Variants in ZNF519 observed in about 807,000 individuals in gnomAD.
ZNF519 encodes the protein similar to Zinc finger protein 85 (Zinc finger protein HPF4) (HTF1).
In ZNF519, 7 loss-of-function variants were observed where a neutral mutation model predicts 7.4. That is an observed-to-expected ratio of 0.94 (90% CI 0.54 to 1.77). The LOEUF (loss-of-function observed/expected upper bound fraction) is 1.77, where lower values mean the gene tolerates loss of function less well. ZNF519 is among the 40% of genes most tolerant of loss of function. ZNF519 has a pLI of 0.00. For synonymous variants in ZNF519, 179 were observed against 203.3 expected (o/e 0.88, Z 1.02); for missense variants, 586 against 623.1 (o/e 0.94, Z 0.63).
chr18:14,098,719 G>A (rs551110137), downstream of ZNF519, among the ~76,000 whole-genome samples: 1 of 152,118 alleles, frequency 6.6e-6, no homozygotes, highest in South Asian at 2.1e-4. Flanking sequence ...GATTTTCCTG[G>A]TTCACAAGGT....
At chr18:14,108,277 C>T (rs1204606015) in intron 2 of ZNF519, among the ~76,000 whole-genome samples, 1 of 152,168 alleles carries the variant, frequency 6.6e-6, no homozygotes, top group Non-Finnish European at 1.5e-5. Flanking sequence ...AACTGAGCTA[C>T]CAGTTCCAGG....
chr18:14,131,098 G>A (rs1012565885), intron 1 of ZNF519, among the ~76,000 whole-genome samples: 47 of 152,074 alleles, frequency 3.1e-4, no homozygotes, highest in African/African-American at 1.1e-3. Flanking sequence ...AGGCCCGAAT[G>A]TGGCTAAGGA....
At chr18:14,071,255 A>G (rs1261041732), downstream of ZNF519, 1 of 152,092 alleles carries the variant, frequency 6.6e-6, no homozygotes, top group Non-Finnish European at 1.5e-5. Flanking sequence ...ATTCGGGGGG[A>G]AAATTTTTAT....
intron 2 of ZNF519, chr18:14,085,205 A>G (rs1387423685): frequency 6.6e-6 from 1 of 152,194 alleles, no homozygotes; most frequent in East Asian, 1.9e-4. Context: ...ACACACTCTG[A>G]ATACATGATA....
chr18:14,079,784 A>G (rs896920229), intron 3 of ZNF519, among the ~76,000 whole-genome samples: 6 of 152,240 alleles, frequency 3.9e-5, no homozygotes, highest in Admixed American at 1.3e-4. Flanking sequence ...AATGTAAAAC[A>G]CAAAACTCTA....
At chr18:14,098,450 A>C (rs2046146737), downstream of ZNF519, among the ~76,000 whole-genome samples, 1 of 151,784 alleles carries the variant, frequency 6.6e-6, no homozygotes, top group African/African-American at 2.4e-5. Flanking sequence ...ATGAGCCACC[A>C]CGCCTGGCCA....
At position 14,102,051 on chromosome 18, in the gene ZNF519, C is replaced by T; in HGVS notation, c.*2866G>A. The T allele has an allele frequency of 3.8e-6, 1 of 259,904 alleles. No homozygotes were observed. The highest frequency in any genetic ancestry group is 7.2e-6 in the Non-Finnish European group (1 of 139,218). 16.1% of individuals were successfully genotyped at this position (259,904 alleles called of 1,614,324 possible). On this transcript the variant is annotated 3_prime_UTR_variant, in exon 3 of 3. Transcript: ENST00000590202. ...TATGCCCTGGTAGACCACAAATGAACAATCTTTGTCAACACCATTTTGTTA... is the reference window on the plus strand; with the variant it reads ...TATGCCCTGGTAGACCACAAATGAATAATCTTTGTCAACACCATTTTGTTA...
chr18:14,131,389 G>A (rs912822845), intron 1 of ZNF519, among the ~76,000 whole-genome samples: 4 of 152,190 alleles, frequency 2.6e-5, no homozygotes, highest in African/African-American at 9.7e-5. Context: ...GTATGGGAGC[G>A]TAGAAGTTGG....
At chr18:14,120,190 T>C (rs573741129) in intron 2 of ZNF519, among the ~76,000 whole-genome samples, 1 of 151,948 alleles carries the variant, frequency 6.6e-6, no homozygotes, top group African/African-American at 2.4e-5. Flanking sequence ...GGTATGTGCA[T>C]AAAAACAGAT....
intron 2 of ZNF519, among the ~76,000 whole-genome samples, chr18:14,108,131 G>C (rs1250043352): frequency 6.6e-6 from 1 of 152,150 alleles, no homozygotes; most frequent in Non-Finnish European, 1.5e-5. Flanking sequence ...CCTTGGGTGT[G>C]ATCAACTGCT....
At position 14,101,608 on chromosome 18, in the gene ZNF519, C is replaced by A. The variant is rs2046161749; in HGVS notation, c.*3309G>T. On this transcript the variant is annotated 3_prime_UTR_variant, in exon 3 of 3. Coordinates refer to ENST00000590202, the MANE Select transcript of ZNF519 (RefSeq NM_145287.4). Reference sequence around the variant, plus strand: ...GTCCTGTGAGTCATCAAGGTGGAGTCCTGGCAGAAGGCCTTCTCAGCCATG... The same window carrying A: ...GTCCTGTGAGTCATCAAGGTGGAGTACTGGCAGAAGGCCTTCTCAGCCATG... 7.5e-6 allele frequency: 3 copies of A among 398,304 alleles called. No homozygotes were observed. Among genetic ancestry groups the A allele is most frequent in the South Asian group, 1.3e-4 (1 of 7,810 alleles). 24.7% of individuals were successfully genotyped at this position (398,304 alleles called of 1,614,324 possible).
intron 2 of ZNF519, among the ~76,000 whole-genome samples, chr18:14,087,236 T>C (rs1160455004): frequency 6.6e-6 from 1 of 152,164 alleles, no homozygotes; most frequent in Non-Finnish European, 1.5e-5. Context: ...ACCATCATAC[T>C]GAATGGGAAA....
intron 2 of ZNF519, among the ~76,000 whole-genome samples, chr18:14,109,062 G>A (rs146265393): frequency 0.016 from 2,359 of 151,440 alleles, 66 homozygotes; most frequent in African/African-American, 0.055. Context: ...AGCCCAGATT[G>A]CACCATTGTA....
rs1370663584 is a variant in ZNF519 at position 14,102,987 on chromosome 18, G to T, written c.*1930C>A. 2 of 151,752 alleles carry T rather than the reference G, an allele frequency of 1.3e-5. No individual in the cohort carries two copies. Among genetic ancestry groups the T allele is most frequent in the Non-Finnish European group, 2.9e-5 (2 of 67,898 alleles). 9.4% of individuals were successfully genotyped at this position (151,752 alleles called of 1,614,324 possible). ...AAGTAATAAGAAAGCAGTAAAGGAA[G>T]AATAAAGAAAAATACGTGAGACATA... On this transcript the variant is annotated 3_prime_UTR_variant, in exon 3 of 3. Transcript: ENST00000590202.
Position 14,105,632 on chromosome 18 carries a change from T to C in ZNF519, c.908A>G (p.Lys303Arg). The stretch of plus-strand genomic sequence containing the variant: ...CTGATGTTGAGCAAGGTGTGAACTC[T>C]TGTTAAAGGCTTTGTCACATTTTTT... ...KCKKCDKAFNKSSHLAQHQRI... is the reference protein window; with the variant it reads ...KCKKCDKAFNRSSHLAQHQRI... Residue 303 changes from lysine to arginine, a missense_variant, in exon 3 of 3, where the codon AAG (lysine) becomes AGG (arginine). Physicochemically the swap from Lys to Arg is conservative, Grantham distance 26 (BLOSUM62 2). Transcript: ENST00000590202. 6.2e-7 allele frequency: 1 copy of C among 1,613,512 alleles called. No individual in the cohort carries two copies. Among genetic ancestry groups the C allele is most frequent in the Non-Finnish European group, 8.5e-7 (1 of 1,179,858 alleles).
chr18:14,088,332 A>G (rs1176184105), intron 2 of ZNF519, among the ~76,000 whole-genome samples: 1 of 152,208 alleles, frequency 6.6e-6, no homozygotes, highest in East Asian at 1.9e-4. Flanking sequence ...GCGAAACCCA[A>G]GCAGTCCTGC....
At chr18:14,121,725 T>C (rs1249013695) in intron 2 of ZNF519, 5 of 152,198 alleles carry the variant, frequency 3.3e-5, no homozygotes, top group Non-Finnish European at 7.3e-5. Flanking sequence ...TATACACATA[T>C]ACGATTTATA....
Position 14,101,800 on chromosome 18 carries a change from T to C in ZNF519, c.*3117A>G, listed in dbSNP as rs867219229. 5.8e-5 allele frequency: 23 copies of C among 398,592 alleles called. No homozygotes were observed. The highest frequency in any genetic ancestry group is 5.7e-4 in the East Asian group (16 of 28,078). 24.7% of individuals were successfully genotyped at this position (398,592 alleles called of 1,614,324 possible). Reference sequence around the variant, plus strand: ...TGCAAAGACAAACCAGCAGTTAATCTTGCACGCAACAGAGCCCTGCTTGGC... The same window carrying C: ...TGCAAAGACAAACCAGCAGTTAATCCTGCACGCAACAGAGCCCTGCTTGGC... On this transcript the variant is annotated 3_prime_UTR_variant, in exon 3 of 3. Transcript: ENST00000590202.
chr18:14,098,313 C>G (rs559063404), downstream of ZNF519, among the ~76,000 whole-genome samples: 18 of 152,152 alleles, frequency 1.2e-4, no homozygotes, highest in African/African-American at 3.6e-4. Context: ...GCACCCACCA[C>G]AACGCCTGGC....
Sources: gnomAD v4.1 joint callset for allele counts (sites outside exome capture counted in the v4.1 genomes callset) on GRCh38, gnomAD v4.1.1 for gene constraint, MANE v1.5 for transcripts, NCBI Gene and HGNC (gene_info 2026-07-23, HGNC 2026-07-21) for gene names.